Variants in CDH8 observed in about 807,000 individuals in gnomAD.
CDH8 encodes cadherin-8.
A neutral mutation model predicts 68.1 loss-of-function variants in CDH8; 17 were observed. The ratio of observed to expected loss-of-function variants is 0.25; its 90% confidence interval spans 0.17 to 0.37. CDH8 has a LOEUF of 0.37. Among genes scored for constraint, CDH8 ranks in the 10% least tolerant of loss-of-function variants. CDH8 has a pLI of 1.00. For missense variants in CDH8, 763 were observed against 999.3 expected (o/e 0.76, Z 3.19); for synonymous variants, 372 against 365.1 (o/e 1.02, Z -0.21).
At position 61,901,467 on chromosome 16, in the gene CDH8, T is replaced by C; in HGVS notation, c.259A>G (p.Thr87Ala). The C allele has an allele frequency of 6.2e-7, 1 of 1,604,624 alleles. No homozygotes were observed. The highest frequency in any genetic ancestry group is 1.3e-5 in the African/African-American group (1 of 74,660). The change falls in exon 3 of 12, where the codon ACA (threonine) becomes GCA (alanine). Residue 87 changes from threonine to alanine, a missense_variant. Thr to Ala is a moderately conservative substitution (Grantham distance 58). Transcript: ENST00000577390. ...TTTTTGCTCCCAGGATCCAGGTCTG[T>C]GTGTAGCTGAAATGAAAAATGGCAT... ...PEPILVGRLHTDLDPGSKKIK... is the reference protein window; with the variant it reads ...PEPILVGRLHADLDPGSKKIK...
intron 7 of CDH8, among the ~76,000 whole-genome samples, chr16:61,809,299 G>A (rs1961882015): frequency 6.6e-6 from 1 of 152,148 alleles, no homozygotes; most frequent in African/African-American, 2.4e-5. Flanking sequence ...CTAACGTCAT[G>A]GGGTTTTGTC....
intron 10 of CDH8, among the ~76,000 whole-genome samples, chr16:61,666,094 G>A (rs964871684): frequency 2.6e-5 from 4 of 151,358 alleles, no homozygotes; most frequent in Non-Finnish European, 4.4e-5. Flanking sequence ...CCCTTTTTCC[G>A]GCATATCCAT....
chr16:61,734,321 T>C (rs1959615949), intron 8 of CDH8, among the ~76,000 whole-genome samples: 1 of 152,150 alleles, frequency 6.6e-6, no homozygotes, highest in South Asian at 2.1e-4. Flanking sequence ...CTTGTTGACG[T>C]TGACTTATCA....
At chr16:61,880,244 C>T (rs181172364) in intron 3 of CDH8, among the ~76,000 whole-genome samples, 4 of 152,106 alleles carry the variant, frequency 2.6e-5, no homozygotes, top group East Asian at 3.9e-4. Context: ...AAGTTTTAAC[C>T]GACCTGGAGT....
intron 8 of CDH8, among the ~76,000 whole-genome samples, chr16:61,787,677 ACTTGGAAC>A (rs1961260687): frequency 6.8e-6 from 1 of 146,624 alleles, no homozygotes; most frequent in Non-Finnish European, 1.5e-5. Flanking sequence ...AATAGCAAAG[ACTTGGAAC>A]CAACCCAAAT....
chr16:61,665,996 A>G (rs1749188262), intron 10 of CDH8, among the ~76,000 whole-genome samples: 1 of 151,842 alleles, frequency 6.6e-6, no homozygotes, highest in Non-Finnish European at 1.5e-5. Flanking sequence ...GAAATAAACA[A>G]TTCATAAATT....
chr16:61,988,679 A>G (rs142953139), intron 2 of CDH8, among the ~76,000 whole-genome samples: 53 of 152,358 alleles, frequency 3.5e-4, no homozygotes, highest in African/African-American at 1.2e-3. Context: ...ATTACAGGAA[A>G]AAACAAGTTT....
intron 2 of CDH8, among the ~76,000 whole-genome samples, chr16:61,907,782 C>T (rs1445884032): frequency 2.0e-5 from 3 of 152,132 alleles, no homozygotes; most frequent in Admixed American, 6.5e-5. Flanking sequence ...CGGTGGCTCA[C>T]GCCTGTAATC....
chr16:62,034,347 G>A (rs193208600), intron 1 of CDH8, among the ~76,000 whole-genome samples: 2 of 152,276 alleles, frequency 1.3e-5, no homozygotes, highest in East Asian at 3.9e-4. Context: ...CAGCGAGGCT[G>A]AATGGATGGA....
chr16:62,021,460 C>T lies in CDH8; in HGVS notation c.-57G>A, dbSNP rs933133886. 9.0e-6 allele frequency: 14 copies of T among 1,551,044 alleles called. No homozygotes were observed. The East Asian group carries it at 1.4e-4, about 15-fold the overall frequency. On this transcript the variant is annotated 5_prime_UTR_variant, in exon 2 of 12. Coordinates refer to ENST00000577390, the MANE Select transcript of CDH8 (RefSeq NM_001796.5). ...ATGAGACAATTATTTTTTTTGTCTC[C>T]GGTCTGCAGCCATCCAATTCATCAT... is the stretch of plus-strand genomic sequence containing the variant.
intron 2 of CDH8, among the ~76,000 whole-genome samples, chr16:61,947,965 G>A (rs1361111676): frequency 3.3e-5 from 5 of 152,110 alleles, no homozygotes; most frequent in Admixed American, 6.5e-5. Context: ...TTCCAGTAAC[G>A]TGCCATTCAC....
At chr16:61,810,853 T>A (rs957811691) in intron 7 of CDH8, among the ~76,000 whole-genome samples, 8 of 152,068 alleles carry the variant, frequency 5.3e-5, no homozygotes, top group Middle Eastern at 3.4e-3. Flanking sequence ...TGAAACCTCA[T>A]CTCTGTTAAA....
chr16:61,942,226 GCTCACACCTGTAATC>G (rs1964736372), intron 2 of CDH8, among the ~76,000 whole-genome samples: 1 of 152,128 alleles, frequency 6.6e-6, no homozygotes, highest in South Asian at 2.1e-4. Context: ...GGGCACAGTG[GCTCACACCTGTAATC>G]CCAGTACTTG....
intron 2 of CDH8, among the ~76,000 whole-genome samples, chr16:61,953,666 G>A (rs1326333480): frequency 6.6e-6 from 1 of 151,190 alleles, no homozygotes; most frequent in Non-Finnish European, 1.5e-5. Flanking sequence ...CCAGGAATTC[G>A]AGACCAGCCT....
At position 61,960,243 on chromosome 16, in the gene CDH8, G is replaced by GTGTATACACACATATATACATA. The variant is rs1965108764; in HGVS notation, c.253-58771_253-58770insTATGTATATATGTGTGTATACA. ...TGTGTATACACACATATATACATGTGTGTGTGTATACACATACATATATAC... is the reference window on the plus strand; with the variant it reads ...TGTGTATACACACATATATACATGTGTGTATACACACATATATACATATGTGTGTATACACATACATATATAC... On this transcript the variant is annotated intron_variant, in intron 2 of 11. Coordinates refer to ENST00000577390, the MANE Select transcript of CDH8 (RefSeq NM_001796.5). 3.1e-5 allele frequency among the ~76,000 whole-genome samples: 2 copies of GTGTATACACACATATATACATA among 63,944 alleles called. 1 individual carries two copies. Among genetic ancestry groups the GTGTATACACACATATATACATA allele is most frequent in the African/African-American group, 2.3e-4 (2 of 8,640 alleles). The allele number at this position is 63,944 out of a possible 152,430, so 41.9% of individuals were successfully genotyped here. A position where few individuals can be genotyped will look rare whatever the true frequency, so the allele number is the denominator to read the frequency against.
intron 8 of CDH8, among the ~76,000 whole-genome samples, chr16:61,766,211 T>A (rs1960586100): frequency 1.3e-5 from 2 of 151,774 alleles, no homozygotes; most frequent in South Asian, 4.1e-4. Context: ...GCCCATAGCT[T>A]AGCTGCCACT....
At chr16:61,975,380 C>T (rs1246462230) in intron 2 of CDH8, among the ~76,000 whole-genome samples, 1 of 152,278 alleles carries the variant, frequency 6.6e-6, no homozygotes, top group East Asian at 1.9e-4. Context: ...TTAATTCAAG[C>T]TCCACCTACT....
chr16:61,887,264 A>T (rs1021207458), intron 3 of CDH8, among the ~76,000 whole-genome samples: 4 of 152,180 alleles, frequency 2.6e-5, no homozygotes, highest in Non-Finnish European at 5.9e-5. Context: ...TTTAAAGGAT[A>T]GGAGTAGGAG....
At chr16:61,711,153 C>A (rs1272961524) in intron 10 of CDH8, among the ~76,000 whole-genome samples, 2 of 151,832 alleles carry the variant, frequency 1.3e-5, no homozygotes, top group Non-Finnish European at 2.9e-5. Context: ...AATAATTCAA[C>A]TGTGTAGGAG....
Sources: allele counts gnomAD v4.1 joint callset (sites outside exome capture counted in the v4.1 genomes callset), GRCh38; gene constraint gnomAD v4.1.1; transcripts MANE v1.5; gene names NCBI Gene and HGNC (gene_info 2026-07-23, HGNC 2026-07-21).